MLXIPL: variants seen among roughly 807,000 people sequenced by gnomAD.
MLXIPL encodes carbohydrate-responsive element-binding protein.
A neutral mutation model predicts 81.5 loss-of-function variants in MLXIPL; 49 were observed. The ratio of observed to expected loss-of-function variants is 0.60; its 90% CI spans 0.48 to 0.76. The LOEUF (loss-of-function observed/expected upper bound fraction) is 0.76, where lower values mean the gene tolerates loss of function less well. MLXIPL is among the 30% of genes least tolerant of loss of function. MLXIPL has a pLI of 0.00. For synonymous variants in MLXIPL, 466 were observed against 485.5 expected (o/e 0.96, Z 0.53); for missense variants, 1,053 against 1,167.0 (o/e 0.90, Z 1.42).
Position 73,596,776 on chromosome 7 carries a change from G to A in MLXIPL, c.1685C>T (p.Pro562Leu). Residue 562 changes from proline to leucine, a missense_variant, in exon 11 of 17, where the codon CCT (proline) becomes CTT (leucine). Pro to Leu is a moderately conservative substitution (Grantham distance 98, BLOSUM62 -3). Around this residue, in one of 3 missense-constraint regions of MLXIPL, gnomAD observed 823 missense variants for 933.0 expected, o/e 0.88. Transcript: ENST00000313375. This position sits in a 1 kb window ranked among gnomAD's most constrained non-coding sequence, Gnocchi z 4.7. ...RSPGSPQETV[P>L]EFPCTFLPPT... ...GGGAAGGAATGTGCAGGGGAATTCA[G>A]GGACTGTCTCCTGCTGGGGTGGAGA... is the stretch of plus-strand genomic sequence containing the variant. 1 of 1,605,354 alleles carries A rather than the reference G, an allele frequency of 6.2e-7. No individual in the cohort carries two copies. Among genetic ancestry groups the A allele is most frequent in the Non-Finnish European group, 8.5e-7 (1 of 1,176,860 alleles).
At chr7:73,594,815 G>C (rs1252916642) in intron 15 of MLXIPL, among the ~76,000 whole-genome samples, 1 of 149,550 alleles carries the variant, frequency 6.7e-6, no homozygotes, top group Non-Finnish European at 1.5e-5. Flanking sequence ...CTAAAGTGCT[G>C]GAATTACAGG....
chr7:73,597,459 A>C lies in MLXIPL; in HGVS notation c.1326T>G (p.Pro442=). ...CAGGCAGCGGAGACACTCCTGGGGC[A>C]GGAGGGACGGTGGGGAAGGGAAACC... is the stretch of plus-strand genomic sequence containing the variant. ...SPRFPFPTVP[P]APGVSPLPAP... Residue 442 remains proline, a synonymous_variant, in exon 9 of 17, where the codon CCT becomes CCG. Coordinates refer to ENST00000313375, the MANE Select transcript of MLXIPL (RefSeq NM_032951.3). 7.1e-7 allele frequency: 1 copy of C among 1,416,706 alleles called. No homozygotes were observed. Among genetic ancestry groups the C allele is most frequent in the South Asian group, 1.7e-5 (1 of 60,596 alleles). The allele number at this position is 1,416,706 out of a possible 1,614,324, so 87.8% of individuals were successfully genotyped here.
chr7:73,599,033 A>G lies in MLXIPL; in HGVS notation c.1071+493T>C, dbSNP rs544057407. On this transcript the variant is annotated intron_variant, in intron 8 of 16. Coordinates refer to ENST00000313375, the MANE Select transcript of MLXIPL (RefSeq NM_032951.3). ...CAGTGAGCCGAGATCATGCCACTGCACTCGAGCCTAGGCGACAGAGTGAGA... is the reference window on the plus strand; with the variant it reads ...CAGTGAGCCGAGATCATGCCACTGCGCTCGAGCCTAGGCGACAGAGTGAGA... Among the ~76,000 whole-genome samples, 475 of 151,096 alleles carry G rather than the reference A, an allele frequency of 3.1e-3. 1 individual carries two copies. The highest frequency in any genetic ancestry group is 5.0e-3 in the Non-Finnish European group (340 of 67,804).
intron 16 of MLXIPL, 102 bp downstream of exon 16, chr7:73,594,172 C>T (rs551817732): frequency 3.2e-6 from 5 of 1,567,954 alleles, no homozygotes; most frequent in East Asian, 2.2e-5. Flanking sequence ...CAACCCTAGG[C>T]TGTGTTGATG....
upstream of MLXIPL, among the ~76,000 whole-genome samples, chr7:73,626,647 C>T (rs1796761042): frequency 6.6e-6 from 1 of 152,138 alleles, no homozygotes; most frequent in Admixed American, 6.6e-5. Flanking sequence ...CTAACAGCCT[C>T]AAAGATGGGT....
chr7:73,626,227 C>T (rs1563521782), upstream of MLXIPL, among the ~76,000 whole-genome samples: 1 of 152,108 alleles, frequency 6.6e-6, no homozygotes, highest in Non-Finnish European at 1.5e-5. Flanking sequence ...TGGTCTCAAA[C>T]TCCTGACCTT....
chr7:73,602,318 C>A (rs1163445983), intron 7 of MLXIPL, among the ~76,000 whole-genome samples: 3 of 150,056 alleles, frequency 2.0e-5, no homozygotes, highest in Non-Finnish European at 4.4e-5. Flanking sequence ...TCAAACAATT[C>A]TCCTTGCCTC....
At chr7:73,618,831 C>A (rs573268820) in intron 1 of MLXIPL, among the ~76,000 whole-genome samples, 7 of 152,302 alleles carry the variant, frequency 4.6e-5, no homozygotes, top group African/African-American at 1.7e-4. Context: ...CCTCCCAGCC[C>A]ATTCTGATCA....
At chr7:73,622,766 G>A (rs1238742740) in intron 1 of MLXIPL, among the ~76,000 whole-genome samples, 1 of 151,244 alleles carries the variant, frequency 6.6e-6, no homozygotes, top group African/African-American at 2.4e-5. Context: ...AATTTTGGGG[G>A]TGCGCTCTGT....
intron 15 of MLXIPL, 36 bp from the exon 16 acceptor site, chr7:73,594,439 TG>T: frequency 6.3e-7 from 1 of 1,599,158 alleles, no homozygotes; most frequent in South Asian, 1.1e-5. Flanking sequence ...GTGGTCCAGC[TG>T]GTCCCCCCAC....
At chr7:73,646,289 T>C in the MLXIPL span, among the ~76,000 whole-genome samples, 1 of 151,976 alleles carries the variant, frequency 6.6e-6, no homozygotes, top group Non-Finnish European at 1.5e-5. Context: ...AGACATGACC[T>C]CTCCCACTTC....
the MLXIPL span, among the ~76,000 whole-genome samples, chr7:73,631,915 T>G: frequency 7.3e-6 from 1 of 137,782 alleles, no homozygotes. Flanking sequence ...TTCTTTTCTT[T>G]CCCCTCCCTC....
chr7:73,623,902 G>A lies in MLXIPL; in HGVS notation c.293+298C>T, dbSNP rs1554602888. On this transcript the variant is annotated intron_variant, in intron 1 of 16. Transcript: ENST00000313375. This position sits in a 1 kb window ranked among gnomAD's most constrained non-coding sequence, Gnocchi z 5.7. ...ACGGAGGGGCTGGGACCAGAGAGAGGGGACCAGAGGTCCAGGTAGAGGTGG... is the reference window on the plus strand; with the variant it reads ...ACGGAGGGGCTGGGACCAGAGAGAGAGGACCAGAGGTCCAGGTAGAGGTGG... 1.3e-5 allele frequency among the ~76,000 whole-genome samples: 2 copies of A among 152,090 alleles called. No homozygotes were observed. The highest frequency in any genetic ancestry group is 2.9e-5 in the Non-Finnish European group (2 of 68,002).
At chr7:73,613,846 T>G (rs782071135) in intron 2 of MLXIPL, among the ~76,000 whole-genome samples, 5 of 152,022 alleles carry the variant, frequency 3.3e-5, no homozygotes, top group Non-Finnish European at 5.9e-5. Context: ...ATCAGAAATT[T>G]CTTCTGCAGG....
chr7:73,636,164 C>G, the MLXIPL span, among the ~76,000 whole-genome samples: 2 of 152,206 alleles, frequency 1.3e-5, no homozygotes, highest in African/African-American at 4.8e-5. Flanking sequence ...AATCCCAACA[C>G]TTTGGGAGGC....
upstream of MLXIPL, among the ~76,000 whole-genome samples, chr7:73,624,864 C>T (rs1458844973): frequency 6.6e-6 from 1 of 152,048 alleles, no homozygotes; most frequent in Non-Finnish European, 1.5e-5. Context: ...TCGAGACCAG[C>T]CTGAGCAATA....
rs199597960 is a variant in MLXIPL at position 73,597,357 on chromosome 7, G to A, written c.1428C>T (p.Pro476=). 1.7e-5 allele frequency: 25 copies of A among 1,500,870 alleles called. No homozygotes were observed. In the East Asian group the frequency reaches 5.5e-4, roughly 33 times the overall value. The allele number at this position is 1,500,870 out of a possible 1,614,324, so 93.0% of individuals were successfully genotyped here. A position where few individuals can be genotyped will look rare whatever the true frequency, so the allele number is the denominator to read the frequency against. Residue 476 remains proline (P), a synonymous_variant, in exon 9 of 17, where the codon CCC becomes CCT. Transcript: ENST00000313375. ...APTPFPIELL[P]LGYSEPAFGP... is the part of the protein sequence containing the mutation. ...CAAAGGCAGGCTCCGAATACCCCAA[G>A]GGTAGAAGCTCTATGGGGAAGGGGG... is the stretch of plus-strand genomic sequence containing the variant.
rs1554594116 is a variant in MLXIPL at position 73,596,703 on chromosome 7, T to C, written c.1758A>G (p.Thr586=). 3.1e-6 allele frequency: 5 copies of C among 1,589,596 alleles called. No individual in the cohort carries two copies. Among genetic ancestry groups the C allele is most frequent in the Non-Finnish European group, 4.3e-6 (5 of 1,168,378 alleles). ...CAAGCAGGGGCCTGGAAGGGGCCAA[T>C]GTGGCCGGGCCTGGAGGTGGCCGGG... The part of the protein sequence containing the change: ...TPPRPPPGPA[T]LAPSRPLLVP... Residue 586 remains threonine (T), a synonymous_variant, in exon 11 of 17, where the codon ACA becomes ACG. Transcript: ENST00000313375. This position sits in a 1 kb window ranked among gnomAD's most constrained non-coding sequence, Gnocchi z 4.7.
chr7:73,624,262 G>A lies in MLXIPL; in HGVS notation c.231C>T (p.Phe77=), dbSNP rs1371004063. The A allele has an allele frequency of 3.1e-6, 5 of 1,593,410 alleles. No individual in the cohort carries two copies. Among genetic ancestry groups the A allele is most frequent in the African/African-American group, 1.3e-5 (1 of 74,460 alleles). Residue 77 remains phenylalanine, a synonymous_variant, in exon 1 of 17, where the codon TTC becomes TTT. Coordinates refer to ENST00000313375, the MANE Select transcript of MLXIPL (RefSeq NM_032951.3). ...GTGTGGGGTCGATACTGCGCGGCCC[G>A]AAGTCGGAGGGCCCCACGGACCCCT... is the stretch of plus-strand genomic sequence containing the variant. ...DQEGSVGPSD[F]GPRSIDPTLT...
Sources: gnomAD v4.1 joint callset for allele counts (sites outside exome capture counted in the v4.1 genomes callset) on GRCh38, gnomAD v4.1.1 for gene constraint, gnomAD v4.1.1 regional missense constraint, Gnocchi (gnomAD v3.1) non-coding constraint, MANE v1.5 for transcripts, NCBI Gene and HGNC (gene_info 2026-07-23, HGNC 2026-07-21) for gene names.